Variants in CTTNBP2NL observed in about 807,000 individuals in gnomAD.
The protein encoded by CTTNBP2NL is CTTNBP2 N-terminal like, also known as CTTNBP2 N-terminal-like protein.
Under a neutral mutation model 32.5 loss-of-function variants are expected in CTTNBP2NL, and 16 were observed. The observed-to-expected ratio is 0.49, with a 90% confidence interval of 0.33 to 0.75. The LOEUF is 0.75. CTTNBP2NL is among the 30% of genes least tolerant of loss of function. CTTNBP2NL has a pLI of 0.02. For synonymous variants in CTTNBP2NL, 298 were observed against 289.4 expected (o/e 1.03, Z -0.30); for missense variants, 645 against 756.0 (o/e 0.85, Z 1.72).
intron 3 of CTTNBP2NL, among the ~76,000 whole-genome samples, chr1:112,435,199 ATAC>A (rs1557893009): frequency 6.6e-6 from 1 of 151,374 alleles, no homozygotes; most frequent in Non-Finnish European, 1.5e-5. Context: ...GAATTGAATC[ATAC>A]GTAACATGGT....
chr1:112,457,062 C>A lies in CTTNBP2NL; in HGVS notation c.1570C>A (p.Pro524Thr). 1 of 1,614,194 alleles carries A rather than the reference C, an allele frequency of 6.2e-7. No homozygotes were observed. Among genetic ancestry groups the A allele is most frequent in the East Asian group, 2.2e-5 (1 of 44,876 alleles). The change falls in exon 6 of 6, where the codon CCC (proline) becomes ACC (threonine). Residue 524 changes from proline to threonine, a missense_variant. By Grantham distance (38) the Pro-to-Thr change is conservative. Transcript: ENST00000271277. ...SQQGPIKPVSPNSSPFGTDYR... is the reference protein window; with the variant it reads ...SQQGPIKPVSTNSSPFGTDYR... ...ACAAGGGCCAATCAAGCCAGTCTCTCCCAACAGCTCTCCCTTTGGCACAGA... is the reference window on the plus strand; with the variant it reads ...ACAAGGGCCAATCAAGCCAGTCTCTACCAACAGCTCTCCCTTTGGCACAGA...
chr1:112,392,497 T>G (rs910743875), upstream of CTTNBP2NL, among the ~76,000 whole-genome samples: 1 of 152,164 alleles, frequency 6.6e-6, no homozygotes. Flanking sequence ...CTTTGCCAAG[T>G]AGGTTTGTGT....
intron 3 of CTTNBP2NL, among the ~76,000 whole-genome samples, chr1:112,425,252 C>T (rs953431811): frequency 3.3e-5 from 5 of 151,990 alleles, no homozygotes; most frequent in African/African-American, 1.2e-4. Flanking sequence ...AGGCAGATCA[C>T]CTGAGGTCAG....
intron 3 of CTTNBP2NL, among the ~76,000 whole-genome samples, chr1:112,416,978 C>A (rs555492200): frequency 6.6e-6 from 1 of 152,214 alleles, no homozygotes; most frequent in South Asian, 2.1e-4. Flanking sequence ...ATTAAGAATT[C>A]TTTTGGTAGT....
intron 5 of CTTNBP2NL, 71 bp downstream of exon 5, chr1:112,454,627 T>A: frequency 1.8e-6 from 2 of 1,113,108 alleles, no homozygotes; most frequent in Non-Finnish European, 2.8e-6. Context: ...TTCTGCAGGA[T>A]GCCAACTGGT....
intron 3 of CTTNBP2NL, among the ~76,000 whole-genome samples, chr1:112,423,841 T>C (rs2483358): frequency 0.55 from 83,850 of 152,114 alleles, 24,259 homozygotes; most frequent in South Asian, 0.71. Context: ...CTCCTGCCTC[T>C]GCCTCCCAAG....
At chr1:112,401,666 A>C (rs1160974704) in intron 1 of CTTNBP2NL, among the ~76,000 whole-genome samples, 2 of 152,196 alleles carry the variant, frequency 1.3e-5, no homozygotes, top group African/African-American at 4.8e-5. Context: ...AGAAGAAAAC[A>C]TGGATAGGGG....
chr1:112,414,242 G>A lies in CTTNBP2NL; in HGVS notation c.-9-1915G>A, dbSNP rs144681562. On this transcript the variant is annotated intron_variant, in intron 2 of 5. Coordinates refer to ENST00000271277, the MANE Select transcript of CTTNBP2NL (RefSeq NM_018704.3). ...TAGCCAGGCGTGATGGTGGTTGCCT[G>A]TAATCCCAGCTACTCAGAGGCTGAG... Among the ~76,000 whole-genome samples the A allele has an allele frequency of 1.4e-3, 215 of 152,150 alleles. 3 individuals are homozygous for A. The East Asian group carries it at 0.036, about 25-fold the overall frequency.
intron 3 of CTTNBP2NL, among the ~76,000 whole-genome samples, chr1:112,433,905 CTT>C (rs761769737): frequency 5.0e-5 from 7 of 139,542 alleles, no homozygotes; most frequent in Admixed American, 1.4e-4. Flanking sequence ...TCCTTTGTGG[CTT>C]TTTTTTTTTT....
chr1:112,422,462 A>C (rs1056176866), intron 3 of CTTNBP2NL, among the ~76,000 whole-genome samples: 1 of 152,220 alleles, frequency 6.6e-6, no homozygotes, highest in African/African-American at 2.4e-5. Flanking sequence ...TTCATGTACA[A>C]GGCTTTGTGT....
rs1349385352 is a variant in CTTNBP2NL at position 112,454,542 on chromosome 1, A to G, written c.424A>G (p.Arg142Gly). The G allele has an allele frequency of 6.2e-7, 1 of 1,610,500 alleles. No homozygotes were observed. The highest frequency in any genetic ancestry group is 8.5e-7 in the Non-Finnish European group (1 of 1,176,642). The change falls in exon 5 of 6, where the codon AGG becomes GGG. Residue 142 changes from arginine (R) to glycine (G), a missense_variant. Arg to Gly is a moderately radical substitution (Grantham distance 125). Coordinates refer to ENST00000271277, the MANE Select transcript of CTTNBP2NL (RefSeq NM_018704.3). ...VTYMLEKERERLTQQLEFEKS... is the reference protein window; with the variant it reads ...VTYMLEKEREGLTQQLEFEKS... ...CTACATGCTAGAGAAGGAAAGAGAG[A>G]GGCTGACTCAACAGGTAATTAAGGT...
chr1:112,415,780 C>T (rs1649040636), intron 2 of CTTNBP2NL: 2 of 227,082 alleles, frequency 8.8e-6, no homozygotes, highest in Non-Finnish European at 1.7e-5. Context: ...TGGTCTCGAT[C>T]TCCTGACTTC....
rs60306208 is a variant in CTTNBP2NL, at chr1:112,426,518, C to T, written c.99+10254C>T. Among the ~76,000 whole-genome samples the T allele has an allele frequency of 1.5e-4, 23 of 151,316 alleles. No homozygotes were observed. The East Asian group carries it at 4.2e-3, about 28-fold the overall frequency. On this transcript the variant is annotated intron_variant, in intron 3 of 5. Coordinates refer to ENST00000271277, the MANE Select transcript of CTTNBP2NL (RefSeq NM_018704.3). ...ACCAGCTTGGGCAATATAGCAAGAC[C>T]CCATCTCTAAAAAAAAGAAAAAAGA...
intron 3 of CTTNBP2NL, among the ~76,000 whole-genome samples, chr1:112,445,748 A>T (rs191086261): frequency 5.5e-4 from 84 of 152,348 alleles, no homozygotes; most frequent in Admixed American, 1.2e-3. Context: ...GACCTCACCA[A>T]AGAAGCTCTT....
intron 3 of CTTNBP2NL, among the ~76,000 whole-genome samples, chr1:112,424,621 T>A (rs1649335678): frequency 6.6e-6 from 1 of 152,230 alleles, no homozygotes; most frequent in Non-Finnish European, 1.5e-5. Context: ...ATTCATATCT[T>A]AACAACATTG....
rs1650390448 is a variant in CTTNBP2NL at position 112,457,058 on chromosome 1, C to A, written c.1566C>A (p.Val522=). The A allele has an allele frequency of 3.7e-6, 6 of 1,614,070 alleles. No homozygotes were observed. In the African/African-American group the frequency reaches 8.0e-5, roughly 22 times the overall value. Residue 522 remains valine (V), a synonymous_variant, in exon 6 of 6, where the codon GTC becomes GTA. Coordinates refer to ENST00000271277, the MANE Select transcript of CTTNBP2NL (RefSeq NM_018704.3). ...FTSQQGPIKP[V]SPNSSPFGTD... ...GCCAACAAGGGCCAATCAAGCCAGT[C>A]TCTCCCAACAGCTCTCCCTTTGGCA... is the stretch of plus-strand genomic sequence containing the variant.
intron 3 of CTTNBP2NL, among the ~76,000 whole-genome samples, chr1:112,445,223 G>A (rs977817116): frequency 6.6e-6 from 1 of 152,048 alleles, no homozygotes; most frequent in Admixed American, 6.6e-5. Flanking sequence ...GAACCACCCA[G>A]CTAAGCCCCT....
chr1:112,420,030 T>C (rs115762346), intron 3 of CTTNBP2NL, among the ~76,000 whole-genome samples: 4,553 of 152,322 alleles, frequency 0.03, 119 homozygotes, highest in Non-Finnish European at 0.045. Context: ...TTATTTAGGT[T>C]ACTGAGTTAT....
At chr1:112,429,634 T>C (rs867615518) in intron 3 of CTTNBP2NL, among the ~76,000 whole-genome samples, 1 of 152,126 alleles carries the variant, frequency 6.6e-6, no homozygotes, top group South Asian at 2.1e-4. Context: ...CTTTACACAA[T>C]GAAGTATATG....
Sources: allele counts gnomAD v4.1 joint callset (sites outside exome capture counted in the v4.1 genomes callset), GRCh38; gene constraint gnomAD v4.1.1; transcripts MANE v1.5; gene names NCBI Gene and HGNC (gene_info 2026-07-23, HGNC 2026-07-21).